The following FGF14 variants were observed in gnomAD, a reference collection of about 807,000 sequenced individuals.
FGF14 encodes the protein fibroblast growth factor homologous factor 4.
In FGF14, 5 loss-of-function variants were observed where a neutral mutation model predicts 25.5. The observed-to-expected ratio is 0.20, with a 90% CI of 0.10 to 0.41. The LOEUF is 0.41. FGF14 is among the 10% of genes least tolerant of loss of function. The pLI is 1.00. For synonymous variants in FGF14, 138 were observed against 118.3 expected (o/e 1.17, Z -1.08); for missense variants, 222 against 320.1 (o/e 0.69, Z 2.34).
At chr13:101,988,624 C>T (rs761218545) in intron 1 of FGF14, among the ~76,000 whole-genome samples, 4 of 145,098 alleles carry the variant, frequency 2.8e-5, no homozygotes, top group Non-Finnish European at 4.5e-5. Flanking sequence ...CCAGACACCA[C>T]GTGTTCTCAC....
intron 1 of FGF14, among the ~76,000 whole-genome samples, chr13:102,041,527 T>TAA (rs34550413): frequency 0.069 from 8,533 of 123,652 alleles, 329 homozygotes; most frequent in Middle Eastern, 0.088. Context: ...GTGAATTCCT[T>TAA]AAAAAAAAAA....
At chr13:101,871,293 G>T (rs1194088262) in intron 2 of FGF14, among the ~76,000 whole-genome samples, 1 of 152,078 alleles carries the variant, frequency 6.6e-6, no homozygotes, top group Non-Finnish European at 1.5e-5. Context: ...TTTCAACTCT[G>T]GCCGCACGTT....
intron 1 of FGF14, among the ~76,000 whole-genome samples, chr13:101,911,792 T>C (rs1169078773): frequency 1.3e-5 from 2 of 152,122 alleles, no homozygotes; most frequent in African/African-American, 2.4e-5. Flanking sequence ...TATCAAAAAG[T>C]TAGCAACAGG....
At chr13:102,123,702 T>C (rs2045832187) in intron 1 of FGF14, among the ~76,000 whole-genome samples, 1 of 152,168 alleles carries the variant, frequency 6.6e-6, no homozygotes, top group Non-Finnish European at 1.5e-5. Context: ...CGGATATCAC[T>C]AGTAGCTTTA....
chr13:102,394,017 C>G (rs1210330450), intron 1 of FGF14, among the ~76,000 whole-genome samples: 1 of 152,206 alleles, frequency 6.6e-6, no homozygotes, highest in Non-Finnish European at 1.5e-5. Flanking sequence ...AATATTAGAG[C>G]TGGGGCTGAT....
At chr13:102,048,556 A>G (rs1487247670) in intron 1 of FGF14, among the ~76,000 whole-genome samples, 2 of 152,174 alleles carry the variant, frequency 1.3e-5, no homozygotes, top group Non-Finnish European at 2.9e-5. Flanking sequence ...CAGATCTGAA[A>G]GTCTTCCAGT....
At chr13:102,357,045 A>T (rs566677556) in intron 1 of FGF14, among the ~76,000 whole-genome samples, 2 of 151,626 alleles carry the variant, frequency 1.3e-5, no homozygotes, top group African/African-American at 4.8e-5. Flanking sequence ...GAAGTGGTGG[A>T]GGAGCAGGGA....
intron 1 of FGF14, among the ~76,000 whole-genome samples, chr13:102,013,840 C>A (rs529748719): frequency 7.2e-5 from 11 of 152,152 alleles, no homozygotes; most frequent in Admixed American, 2.6e-4. Flanking sequence ...CCAAGGATAT[C>A]TTTGGGTGGA....
chr13:101,750,835 C>T (rs1394323426), intron 3 of FGF14, among the ~76,000 whole-genome samples: 1 of 151,816 alleles, frequency 6.6e-6, no homozygotes, highest in East Asian at 1.9e-4. Context: ...GCTTTCCAGA[C>T]AATGGAATAT....
intron 1 of FGF14, among the ~76,000 whole-genome samples, chr13:102,071,734 A>G (rs2043161313): frequency 6.6e-6 from 1 of 152,088 alleles, no homozygotes; most frequent in South Asian, 2.1e-4. Flanking sequence ...TCATTTCTCC[A>G]TAGGAGATAC....
At chr13:101,845,626 A>G (rs959718638) in intron 3 of FGF14, among the ~76,000 whole-genome samples, 12 of 152,056 alleles carry the variant, frequency 7.9e-5, no homozygotes, top group African/African-American at 2.9e-4. Context: ...GAAGGTGACT[A>G]GATAAAAGGG....
rs370475526 is a variant in FGF14, at chr13:102,160,626, G to A, written c.208+240845C>T. Among the ~76,000 whole-genome samples, 77 of 151,972 alleles carry A rather than the reference G, an allele frequency of 5.1e-4. 2 individuals are homozygous for A. The South Asian group carries it at 0.016, about 31-fold the overall frequency. On this transcript the variant is annotated intron_variant, in intron 1 of 4. Coordinates refer to the FGF14 transcript ENST00000376131. ...GCTTCTCTTGGAACACCACTCAGTC[G>A]GCTTTGGGAAGATAAAAACATGTTC...
intron 1 of FGF14, among the ~76,000 whole-genome samples, chr13:102,368,769 G>A (rs1041559889): frequency 3.3e-5 from 5 of 151,968 alleles, no homozygotes; most frequent in African/African-American, 1.2e-4. Flanking sequence ...TTGTAATGTT[G>A]ATATTAAAGG....
intron 3 of FGF14, among the ~76,000 whole-genome samples, chr13:101,802,750 G>A (rs2040956082): frequency 6.6e-6 from 1 of 152,194 alleles, no homozygotes; most frequent in Non-Finnish European, 1.5e-5. Flanking sequence ...GCATGATAAG[G>A]CATTTAAAAG....
intron 1 of FGF14, among the ~76,000 whole-genome samples, chr13:102,165,355 C>T (rs2047954065): frequency 6.6e-6 from 1 of 151,964 alleles, no homozygotes; most frequent in Non-Finnish European, 1.5e-5. Context: ...GCTATAAAGG[C>T]ACATGCACAC....
intron 1 of FGF14, among the ~76,000 whole-genome samples, chr13:102,157,148 A>G (rs2047381130): frequency 6.6e-6 from 1 of 152,200 alleles, no homozygotes; most frequent in Non-Finnish European, 1.5e-5. Flanking sequence ...ACAGAATTGG[A>G]AAAAACTACT....
chr13:101,956,799 T>C (rs1230673631), intron 1 of FGF14, among the ~76,000 whole-genome samples: 1 of 150,296 alleles, frequency 6.7e-6, no homozygotes, highest in African/African-American at 2.4e-5. Context: ...AGTAAAAGTA[T>C]TTACTGAAAA....
At chr13:102,145,268 A>T (rs1438306858) in intron 1 of FGF14, among the ~76,000 whole-genome samples, 1 of 152,172 alleles carries the variant, frequency 6.6e-6, no homozygotes, top group East Asian at 1.9e-4. Context: ...AGAAATCGGC[A>T]TGAGACTCAA....
intron 3 of FGF14, among the ~76,000 whole-genome samples, chr13:101,733,629 A>C (rs891151936): frequency 1.1e-4 from 16 of 143,806 alleles, no homozygotes; most frequent in Admixed American, 3.5e-4. Context: ...GAGGAGAGAG[A>C]GACAACTTTT....
Sources: gnomAD v4.1 joint callset for allele counts (sites outside exome capture counted in the v4.1 genomes callset) on GRCh38, gnomAD v4.1.1 for gene constraint, MANE v1.5 for transcripts, NCBI Gene and HGNC (gene_info 2026-07-23, HGNC 2026-07-21) for gene names.